RPRD1A: variants seen among roughly 807,000 people sequenced by gnomAD.
The protein encoded by RPRD1A is regulation of nuclear pre-mRNA domain containing 1A.
Under a neutral mutation model 37.8 loss-of-function variants are expected in RPRD1A, and 9 were observed. The observed-to-expected ratio is 0.24, with a 90% CI of 0.14 to 0.42. The LOEUF is 0.42. Ranked by LOEUF, RPRD1A falls within the 10% of genes least tolerant of loss-of-function variation. RPRD1A has a pLI of 1.00. For synonymous variants in RPRD1A, 138 were observed against 139.7 expected, an observed-to-expected ratio of 0.99 and a Z score of 0.08; for missense variants, 255 against 371.0, an observed-to-expected ratio of 0.69 and a Z score of 2.57.
At chr18:35,993,362 G>A (rs1908826778) in intron 6 of RPRD1A, 62 bp from the exon 7 acceptor site, 1 of 1,565,454 alleles carries the variant, frequency 6.4e-7, no homozygotes, top group South Asian at 1.1e-5. Context: ...AGCTAATAAT[G>A]ACCTACATAA....
chr18:36,029,836 C>T (rs1175122943), intron 4 of RPRD1A, among the ~76,000 whole-genome samples: 1 of 150,334 alleles, frequency 6.7e-6, no homozygotes, highest in Non-Finnish European at 1.5e-5. Context: ...GACGGAGTCT[C>T]GCTCTGTCAC....
intron 1 of RPRD1A, among the ~76,000 whole-genome samples, chr18:36,059,580 G>T (rs1486750535): frequency 6.6e-6 from 1 of 152,074 alleles, no homozygotes; most frequent in Non-Finnish European, 1.5e-5. Flanking sequence ...ATAAACAAAA[G>T]ATTTAGAATC....
In RPRD1A at chr18:36,021,949, C is replaced by T. The variant is rs149161760; in HGVS notation, c.789+4951G>A. ...CCAGGAGGTTGAAGTTGCAGTGAGCCGTGATCAAGCCACTGCACTCAAGCC... is the reference window on the plus strand; with the variant it reads ...CCAGGAGGTTGAAGTTGCAGTGAGCTGTGATCAAGCCACTGCACTCAAGCC... On this transcript the variant is annotated intron_variant, in intron 6 of 6. Transcript: ENST00000399022. 4.3e-3 allele frequency among the ~76,000 whole-genome samples: 654 copies of T among 152,074 alleles called. 4 individuals are homozygous for T. Among genetic ancestry groups the T allele is most frequent in the African/African-American group, 0.015 (617 of 41,472 alleles).
chr18:36,039,599 G>T lies in RPRD1A; in HGVS notation c.152-5762C>A, dbSNP rs1912440096. Among the ~76,000 whole-genome samples, 3 of 152,122 alleles carry T rather than the reference G, an allele frequency of 2.0e-5. No individual in the cohort carries two copies. The South Asian group carries it at 6.2e-4, about 31-fold the overall frequency. ...TTAGTTGTTCATAATGGTAGAAAGT[G>T]GTAGGAGAAATGTTACCTATTTTCT... On this transcript the variant is annotated intron_variant, in intron 1 of 6. Coordinates refer to ENST00000399022, the MANE Select transcript of RPRD1A (RefSeq NM_018170.5).
intron 1 of RPRD1A, among the ~76,000 whole-genome samples, chr18:36,056,146 T>C (rs1913749257): frequency 6.6e-6 from 1 of 152,134 alleles, no homozygotes; most frequent in South Asian, 2.1e-4. Flanking sequence ...GGCACATCCA[T>C]AAAATGAAAT....
intron 1 of RPRD1A, among the ~76,000 whole-genome samples, chr18:36,060,382 C>T (rs1472145974): frequency 3.3e-5 from 5 of 151,830 alleles, no homozygotes; most frequent in African/African-American, 9.7e-5. Context: ...TGCAGTGAAC[C>T]GAGATCGCGC....
At position 36,025,651 on chromosome 18, in the gene RPRD1A, C is replaced by T. The variant is rs932888604; in HGVS notation, c.789+1249G>A. On this transcript the variant is annotated intron_variant, in intron 6 of 6. Transcript: ENST00000399022. The stretch of plus-strand genomic sequence containing the variant: ...AAGAATATACTAATGGTGACGACAT[C>T]GTTAGAAGATACGCCCATGTCCAAT... 4 of 1,288,560 alleles carry T rather than the reference C, an allele frequency of 3.1e-6. No individual in the cohort carries two copies. In the Admixed American group the frequency reaches 6.9e-5, roughly 22 times the overall value. 79.8% of individuals were successfully genotyped at this position (1,288,560 alleles called of 1,614,324 possible).
chr18:36,000,993 A>G (rs1909380831), intron 6 of RPRD1A, among the ~76,000 whole-genome samples: 1 of 152,184 alleles, frequency 6.6e-6, no homozygotes, highest in Admixed American at 6.5e-5. Flanking sequence ...TCAAAATCCA[A>G]TAAGGAAACA....
chr18:36,062,320 T>A, intron 1 of RPRD1A, among the ~76,000 whole-genome samples: 2 of 82,598 alleles, frequency 2.4e-5, no homozygotes, highest in East Asian at 3.3e-4. Context: ...CGAGACTCCG[T>A]CTCAAAAAAA....
At chr18:36,009,467 T>G (rs1010512743) in intron 6 of RPRD1A, among the ~76,000 whole-genome samples, 1 of 152,174 alleles carries the variant, frequency 6.6e-6, no homozygotes, top group East Asian at 1.9e-4. Flanking sequence ...CATGGAACGT[T>G]TGTGTGAATG....
chr18:36,045,168 A>C (rs1248991502), intron 1 of RPRD1A, among the ~76,000 whole-genome samples: 3 of 152,184 alleles, frequency 2.0e-5, no homozygotes, highest in Non-Finnish European at 4.4e-5. Flanking sequence ...TGAACCTGGG[A>C]GGTGGAGGTT....
intron 6 of RPRD1A, among the ~76,000 whole-genome samples, chr18:36,020,546 T>C (rs1227179079): frequency 6.6e-6 from 1 of 152,188 alleles, no homozygotes; most frequent in Non-Finnish European, 1.5e-5. Flanking sequence ...TTATCAGAAT[T>C]ATTAACGGAT....
chr18:36,027,816 GC>G (rs1209360173), intron 4 of RPRD1A: 1 of 152,590 alleles, frequency 6.6e-6, no homozygotes, highest in Non-Finnish European at 1.5e-5. Flanking sequence ...TGTAATTAAA[GC>G]CCAAGAGAAA....
chr18:36,051,475 T>C lies in RPRD1A; in HGVS notation c.151+15779A>G, dbSNP rs180787495. ...TGGGGGTTCATTATTTGGCTCAAGATACCAGAAGTTCCTAAATCATACACT... is the reference window on the plus strand; with the variant it reads ...TGGGGGTTCATTATTTGGCTCAAGACACCAGAAGTTCCTAAATCATACACT... On this transcript the variant is annotated intron_variant, in intron 1 of 6. Coordinates refer to ENST00000399022, the MANE Select transcript of RPRD1A (RefSeq NM_018170.5). Among the ~76,000 whole-genome samples, 103 of 152,306 alleles carry C rather than the reference T, an allele frequency of 6.8e-4. 1 individual carries two copies. The highest frequency in any genetic ancestry group is 3.4e-3 in the Middle Eastern group (1 of 294).
intron 1 of RPRD1A, among the ~76,000 whole-genome samples, chr18:36,035,668 CA>C (rs1366157930): frequency 2.0e-5 from 3 of 152,176 alleles, no homozygotes; most frequent in Non-Finnish European, 4.4e-5. Flanking sequence ...CAGCATTATT[CA>C]CAATAGCCAA....
intron 1 of RPRD1A, among the ~76,000 whole-genome samples, chr18:36,044,071 T>C (rs948888147): frequency 2.0e-5 from 3 of 152,092 alleles, no homozygotes; most frequent in African/African-American, 7.2e-5. Context: ...AAAGAAAACA[T>C]CTATTATTAA....
At chr18:36,011,397 C>T (rs904583642) in intron 6 of RPRD1A, among the ~76,000 whole-genome samples, 7 of 152,132 alleles carry the variant, frequency 4.6e-5, no homozygotes, top group Admixed American at 1.3e-4. Flanking sequence ...AAGTTAATAA[C>T]CACTGTCCTC....
chr18:36,039,360 T>TC lies in RPRD1A; in HGVS notation c.152-5524dup, dbSNP rs530956747. 6.1e-4 allele frequency among the ~76,000 whole-genome samples: 93 copies of TC among 152,236 alleles called. No homozygotes were observed. In the East Asian group the frequency reaches 9.8e-3, roughly 16 times the overall value. On this transcript the variant is annotated intron_variant, in intron 1 of 6. Coordinates refer to ENST00000399022, the MANE Select transcript of RPRD1A (RefSeq NM_018170.5). ...ACAATTACCTAAAAAGTTGAGCACA[T>TC]CCCCCAGAAGGGGCATGGTAATAAA...
In RPRD1A at chr18:36,027,088, C is replaced by A; in HGVS notation, c.614-13G>T. On this transcript the variant is annotated splice_polypyrimidine_tract_variant and intron_variant, in intron 5 of 6. Coordinates refer to ENST00000399022, the MANE Select transcript of RPRD1A (RefSeq NM_018170.5). ...CCAGATTCTTTATCTAAGAAAAGCA[C>A]GGGATAATAAAATATTATACAACAA... 2 of 1,613,116 alleles carry A rather than the reference C, an allele frequency of 1.2e-6. No individual in the cohort carries two copies. Among genetic ancestry groups the A allele is most frequent in the Non-Finnish European group, 1.7e-6 (2 of 1,179,342 alleles).
Sources: gnomAD v4.1 joint callset for allele counts (sites outside exome capture counted in the v4.1 genomes callset) on GRCh38, gnomAD v4.1.1 for gene constraint, MANE v1.5 for transcripts, NCBI Gene and HGNC (gene_info 2026-07-23, HGNC 2026-07-21) for gene names.